SETD7: variants seen among roughly 807,000 people sequenced by gnomAD.
SETD7 encodes SET domain containing 7, histone lysine methyltransferase.
In SETD7, 16 loss-of-function variants were observed where a neutral mutation model predicts 41.8. The ratio of observed to expected loss-of-function variants is 0.38; its 90% CI spans 0.26 to 0.58. SETD7 has a LOEUF of 0.58. SETD7 is among the 20% of genes least tolerant of loss of function. The pLI, the probability that SETD7 is intolerant of heterozygous loss-of-function variation, is 0.64. For missense variants in SETD7, 346 were observed against 459.7 expected, an observed-to-expected ratio of 0.75 and a Z score of 2.26; for synonymous variants, 163 against 169.7, an observed-to-expected ratio of 0.96 and a Z score of 0.31.
intron 1 of SETD7, among the ~76,000 whole-genome samples, chr4:139,548,371 C>T (rs1728018438): frequency 6.6e-6 from 1 of 152,196 alleles, no homozygotes; most frequent in Admixed American, 6.5e-5. Context: ...TGGCTCACGC[C>T]TATAATCCCA....
chr4:139,518,053 C>A lies in SETD7; in HGVS notation c.763-11G>T. The A allele has an allele frequency of 6.2e-7, 1 of 1,610,542 alleles. No individual in the cohort carries two copies. Among genetic ancestry groups the A allele is most frequent in the Non-Finnish European group, 8.5e-7 (1 of 1,178,348 alleles). On this transcript the variant is annotated splice_polypyrimidine_tract_variant and intron_variant, in intron 6 of 7. Coordinates refer to ENST00000274031, the MANE Select transcript of SETD7 (RefSeq NM_030648.4). ...GTCCCTGCTGTCAACCTGCAGAAAA[C>A]AAGAAAGCGAGCCTTAGAGAGGACC...
chr4:139,501,304 C>T (rs531473874), downstream of SETD7, among the ~76,000 whole-genome samples: 85 of 152,146 alleles, frequency 5.6e-4, 1 homozygote, highest in African/African-American at 1.9e-3. Flanking sequence ...AGCTGGAGGC[C>T]ATTATTCTAA....
chr4:139,511,774 C>G lies in SETD7; in HGVS notation c.990G>C (p.Glu330Asp). 1 of 1,614,168 alleles carries G rather than the reference C, an allele frequency of 6.2e-7. No homozygotes were observed. The highest frequency in any genetic ancestry group is 8.5e-7 in the Non-Finnish European group (1 of 1,180,010). The change falls in exon 8 of 8, where the codon GAG (glutamate) becomes GAC (aspartate). Residue 330 changes from glutamate to aspartate, a missense_variant. Glu to Asp is a conservative substitution (Grantham distance 45). This residue lies in a region of SETD7 where 75 missense variants were observed against 65.5 expected (regional missense o/e 1.14). Transcript: ENST00000274031. ...GGTCATAGCCATAGGCAACGGTGAG[C>G]TCTTCATCGGCCTCCACTGCTCTCA... is the stretch of plus-strand genomic sequence containing the variant. ...RTLRAVEADE[E>D]LTVAYGYDHS...
intron 2 of SETD7, among the ~76,000 whole-genome samples, chr4:139,543,798 C>CAAAAAAAA (rs1182628309): frequency 3.3e-5 from 4 of 119,958 alleles, no homozygotes; most frequent in Non-Finnish European, 5.4e-5. Context: ...TAAAAAAATA[C>CAAAAAAAA]AAAAAAAAAA....
intron 2 of SETD7, among the ~76,000 whole-genome samples, chr4:139,543,798 C>CAAAAAAA (rs1182628309): frequency 7.0e-4 from 84 of 119,928 alleles, no homozygotes; most frequent in South Asian, 3.9e-3. Flanking sequence ...TAAAAAAATA[C>CAAAAAAA]AAAAAAAAAA....
At chr4:139,545,920 T>C (rs1560692055) in intron 2 of SETD7, among the ~76,000 whole-genome samples, 2 of 152,306 alleles carry the variant, frequency 1.3e-5, no homozygotes, top group East Asian at 3.9e-4. Context: ...GCTAGCCCTT[T>C]TGCGGCTCTG....
At chr4:139,524,145 T>C (rs988881848) in intron 4 of SETD7, among the ~76,000 whole-genome samples, 9 of 152,200 alleles carry the variant, frequency 5.9e-5, no homozygotes, top group African/African-American at 1.9e-4. Flanking sequence ...AATGATTATA[T>C]ACACTGAGGG....
At chr4:139,535,086 G>T (rs1446561989) in intron 2 of SETD7, among the ~76,000 whole-genome samples, 1 of 152,000 alleles carries the variant, frequency 6.6e-6, no homozygotes, top group Non-Finnish European at 1.5e-5. Context: ...CTAAAACAGT[G>T]AGGTTGGAAG....
chr4:139,552,017 A>C (rs1728123618), intron 1 of SETD7, among the ~76,000 whole-genome samples: 2 of 152,198 alleles, frequency 1.3e-5, no homozygotes, highest in Admixed American at 1.3e-4. Context: ...GGTTTTTAAA[A>C]AATTATTTCA....
downstream of SETD7, chr4:139,495,869 A>G (rs1383775556): frequency 6.6e-6 from 1 of 152,442 alleles, no homozygotes; most frequent in African/African-American, 2.4e-5. Context: ...TTGCTTGGGC[A>G]GAGTTAGGTA....
chr4:139,526,964 T>G (rs2111143803), intron 4 of SETD7, among the ~76,000 whole-genome samples: 1 of 152,306 alleles, frequency 6.6e-6, no homozygotes, highest in Middle Eastern at 3.4e-3. Context: ...AAACTTTTCA[T>G]TTTGGAGTAA....
rs959442744 is a variant in SETD7, at chr4:139,531,738, T to C, written c.372+1427A>G. 3.3e-5 allele frequency among the ~76,000 whole-genome samples: 5 copies of C among 152,346 alleles called. No individual in the cohort carries two copies. In the South Asian group the frequency reaches 6.2e-4, roughly 19 times the overall value. On this transcript the variant is annotated intron_variant, in intron 3 of 7. Transcript: ENST00000274031. ...TTAGCTGGGGTTACTTTTCTTGTTA[T>C]ATATGTAACTGATCATTTCTTTTTA...
At chr4:139,536,706 T>A (rs892728132) in intron 2 of SETD7, among the ~76,000 whole-genome samples, 14 of 148,324 alleles carry the variant, frequency 9.4e-5, no homozygotes, top group African/African-American at 3.0e-4. Flanking sequence ...CGAGACTCTG[T>A]CTTAAAAAAA....
intron 3 of SETD7, among the ~76,000 whole-genome samples, chr4:139,531,521 C>T (rs548192565): frequency 3.1e-4 from 47 of 152,186 alleles, no homozygotes; most frequent in Admixed American, 7.2e-4. Context: ...GGCAGCACCT[C>T]CACCGCTTCT....
At chr4:139,543,361 C>T (rs1727831971) in intron 2 of SETD7, among the ~76,000 whole-genome samples, 1 of 152,334 alleles carries the variant, frequency 6.6e-6, no homozygotes, top group South Asian at 2.1e-4. Context: ...AGATTCTCGA[C>T]CTTTTATTCA....
At chr4:139,505,275 T>A (rs534256603), downstream of SETD7, among the ~76,000 whole-genome samples, 8 of 152,344 alleles carry the variant, frequency 5.3e-5, no homozygotes, top group South Asian at 1.7e-3. Context: ...ACTCCTTTTG[T>A]CACTGGCTTT....
Position 139,522,741 on chromosome 4 carries a change from CTTTTTTTTTTTTTT to C in SETD7, c.644+599_644+612del, listed in dbSNP as rs11357611. On this transcript the variant is annotated intron_variant, in intron 5 of 7. Coordinates refer to ENST00000274031, the MANE Select transcript of SETD7 (RefSeq NM_030648.4). ...CAGCTGGCTGCCTGGCCCAGCTGCT[CTTTTTTTTTTTTTT>C]TTTTTTTTTTTCTTTTTAGATGGAG... is the stretch of plus-strand genomic sequence containing the variant. Among the ~76,000 whole-genome samples, 15 of 93,452 alleles carry C rather than the reference CTTTTTTTTTTTTTT, an allele frequency of 1.6e-4. No homozygotes were observed. In the South Asian group the frequency reaches 2.2e-3, roughly 14 times the overall value. The allele number at this position is 93,452 out of a possible 152,430, so 61.3% of individuals were successfully genotyped here. A position where few individuals can be genotyped will look rare whatever the true frequency, so the allele number is the denominator to read the frequency against.
At chr4:139,512,752 C>CTTTTTTTTTTT (rs140570195) in intron 7 of SETD7, among the ~76,000 whole-genome samples, 1 of 75,536 alleles carries the variant, frequency 1.3e-5, no homozygotes, top group African/African-American at 4.9e-5. Flanking sequence ...TTTTCTTATT[C>CTTTTTTTTTTT]TTTTTTTTTT....
intron 2 of SETD7, among the ~76,000 whole-genome samples, chr4:139,540,547 G>T (rs187983835): frequency 6.6e-6 from 1 of 152,068 alleles, no homozygotes; most frequent in Non-Finnish European, 1.5e-5. Flanking sequence ...GGTCACCTGG[G>T]GCAAGTTATT....
Sources: allele counts gnomAD v4.1 joint callset (sites outside exome capture counted in the v4.1 genomes callset), GRCh38; gene constraint gnomAD v4.1.1; regional missense constraint gnomAD v4.1.1; transcripts MANE v1.5; gene names NCBI Gene and HGNC (gene_info 2026-07-23, HGNC 2026-07-21).